The following AGBL1 variants were observed in gnomAD, a reference collection of about 807,000 sequenced individuals.
AGBL1 encodes cytosolic carboxypeptidase 4.
In AGBL1, 130 loss-of-function variants were observed where a neutral mutation model predicts 118.9. The observed-to-expected ratio is 1.09, with a 90% CI of 0.95 to 1.26. The LOEUF (loss-of-function observed/expected upper bound fraction) is 1.26, where lower values mean the gene tolerates loss of function less well. Among genes scored for constraint, AGBL1 ranks in the 50% most tolerant of loss-of-function variants. The probability of loss-of-function intolerance (pLI) is 0.00; values close to 1 mark genes in which losing one functional copy is unlikely to be tolerated. For missense variants in AGBL1, 1,584 were observed against 1,298.1 expected (o/e 1.22, Z -3.38); for synonymous variants, 555 against 478.9 (o/e 1.16, Z -2.08).
At chr15:86,162,081 C>T (rs930651561) in intron 5 of AGBL1, among the ~76,000 whole-genome samples, 2 of 152,134 alleles carry the variant, frequency 1.3e-5, no homozygotes, top group Non-Finnish European at 2.9e-5. Flanking sequence ...AACGTCCTGC[C>T]AATTTCCATC....
At position 86,397,369 on chromosome 15, in the gene AGBL1, A is replaced by G. The variant is rs1201282383; in HGVS notation, c.2378A>G (p.His793Arg). 18 of 1,552,154 alleles carry G rather than the reference A, an allele frequency of 1.2e-5. No individual in the cohort carries two copies. Among genetic ancestry groups the G allele is most frequent in the Non-Finnish European group, 1.5e-5 (17 of 1,142,722 alleles). Residue 793 changes from histidine (H) to arginine (R), a missense_variant, in exon 18 of 23, where the codon CAT (histidine) becomes CGT (arginine). Coordinates refer to ENST00000614907, the MANE Select transcript of AGBL1 (RefSeq NM_001386094.1). The part of the protein sequence containing the change: ...NSDEHLEQFR[H>R]RPYQVITARV... ...TCTTATGTCCCTTTTTCTGCAGGAC[A>G]TCGTCCATATCAGGTGATCACTGCT...
intron 17 of AGBL1, among the ~76,000 whole-genome samples, chr15:86,384,042 G>A (rs374106022): frequency 2.0e-5 from 3 of 152,146 alleles, no homozygotes; most frequent in Admixed American, 6.5e-5. Context: ...ATGAGTCTTC[G>A]TGGAGCATGT....
intron 24 of AGBL1, among the ~76,000 whole-genome samples, chr15:87,013,980 C>T (rs2081586060): frequency 6.6e-6 from 1 of 152,012 alleles, no homozygotes; most frequent in African/African-American, 2.4e-5. Context: ...CTCTAAAAAG[C>T]AAAATAGAGT....
At chr15:86,465,666 C>A (rs781330754) in intron 18 of AGBL1, among the ~76,000 whole-genome samples, 1 of 152,112 alleles carries the variant, frequency 6.6e-6, no homozygotes, top group Non-Finnish European at 1.5e-5. Flanking sequence ...TGAAATATGC[C>A]CTGGTCTCCT....
intron 5 of AGBL1, among the ~76,000 whole-genome samples, chr15:86,202,074 C>T (rs969281690): frequency 1.3e-5 from 2 of 152,136 alleles, no homozygotes; most frequent in Non-Finnish European, 2.9e-5. Flanking sequence ...GGGTGGATCA[C>T]TTGAGCTTAG....
At chr15:86,598,708 G>A (rs1471518768) in intron 21 of AGBL1, among the ~76,000 whole-genome samples, 3 of 152,096 alleles carry the variant, frequency 2.0e-5, no homozygotes, top group East Asian at 3.9e-4. Context: ...CACAAGCAAT[G>A]GGTCAATTTA....
chr15:86,178,103 G>T (rs79166092), intron 5 of AGBL1, among the ~76,000 whole-genome samples: 1,792 of 152,256 alleles, frequency 0.012, 22 homozygotes, highest in African/African-American at 0.036. Context: ...CACGAGGTCA[G>T]CAGATCAAGA....
chr15:86,797,861 G>C (rs1260681658), intron 22 of AGBL1, among the ~76,000 whole-genome samples: 1 of 152,116 alleles, frequency 6.6e-6, no homozygotes, highest in Non-Finnish European at 1.5e-5. Context: ...TTTGATATGA[G>C]GTAAAATTAC....
intron 5 of AGBL1, among the ~76,000 whole-genome samples, chr15:86,189,261 A>G (rs1432627904): frequency 6.6e-6 from 1 of 152,196 alleles, no homozygotes; most frequent in Non-Finnish European, 1.5e-5. Flanking sequence ...CACACATTTA[A>G]AGATGCAAAA....
At chr15:86,646,840 C>T (rs570355280) in intron 21 of AGBL1, among the ~76,000 whole-genome samples, 11 of 152,112 alleles carry the variant, frequency 7.2e-5, no homozygotes, top group African/African-American at 9.7e-5. Flanking sequence ...TTAGGTTATA[C>T]ATGTTCATTC....
chr15:86,583,725 C>G (rs922885112), intron 21 of AGBL1, among the ~76,000 whole-genome samples: 9 of 152,102 alleles, frequency 5.9e-5, no homozygotes, highest in African/African-American at 2.2e-4. Context: ...ATTGCTGGGT[C>G]ACACAGTAGT....
At chr15:86,125,900 T>C (rs1898398358) in intron 1 of AGBL1, among the ~76,000 whole-genome samples, 1 of 152,244 alleles carries the variant, frequency 6.6e-6, no homozygotes, top group Admixed American at 6.5e-5. Context: ...GTTTTTGGAA[T>C]TCAGCCCTGG....
At chr15:86,447,341 G>A (rs931432111) in intron 18 of AGBL1, among the ~76,000 whole-genome samples, 2 of 152,190 alleles carry the variant, frequency 1.3e-5, no homozygotes, top group African/African-American at 4.8e-5. Flanking sequence ...CCGCGGAATT[G>A]TAGTGGACAT....
intron 22 of AGBL1, among the ~76,000 whole-genome samples, chr15:86,837,254 A>C (rs940690555): frequency 6.6e-6 from 1 of 152,100 alleles, no homozygotes; most frequent in Non-Finnish European, 1.5e-5. Context: ...ATTTAGTACA[A>C]AATGACTACT....
intron 18 of AGBL1, among the ~76,000 whole-genome samples, chr15:86,510,970 T>G (rs1475756787): frequency 1.3e-5 from 2 of 152,084 alleles, no homozygotes; most frequent in Non-Finnish European, 2.9e-5. Context: ...AGCTTGGAGC[T>G]GGCACTTGAT....
chr15:86,832,469 G>C (rs964459710), intron 22 of AGBL1, among the ~76,000 whole-genome samples: 15 of 152,128 alleles, frequency 9.9e-5, no homozygotes, highest in African/African-American at 3.6e-4. Flanking sequence ...CCTCTTGAAT[G>C]CTTTGCTGCT....
chr15:86,728,507 C>T (rs2086851952), intron 22 of AGBL1, among the ~76,000 whole-genome samples: 1 of 152,130 alleles, frequency 6.6e-6, no homozygotes, highest in South Asian at 2.1e-4. Context: ...TACCTTTTCG[C>T]CTCCAGCATC....
chr15:86,717,577 A>G (rs1659039264), intron 22 of AGBL1, among the ~76,000 whole-genome samples: 1 of 152,110 alleles, frequency 6.6e-6, no homozygotes, highest in Admixed American at 6.5e-5. Flanking sequence ...GAACCTTCAC[A>G]TTTCACTGAT....
Position 86,956,622 on chromosome 15 carries a change from G to A in AGBL1, c.3222-31365G>A, listed in dbSNP as rs1054382059. On this transcript the variant is annotated intron_variant, in intron 23 of 24. Transcript: ENST00000441037. ...CCATCCATGTCATGGAGAGTGATCT[G>A]TTTTACTTAAAACCAACCGATGTGA... 2.0e-5 allele frequency among the ~76,000 whole-genome samples: 3 copies of A among 152,138 alleles called. No homozygotes were observed. The South Asian group carries it at 6.2e-4, about 31-fold the overall frequency.
Sources: gnomAD v4.1 joint callset for allele counts (sites outside exome capture counted in the v4.1 genomes callset) on GRCh38, gnomAD v4.1.1 for gene constraint, MANE v1.5 for transcripts, NCBI Gene and HGNC (gene_info 2026-07-23, HGNC 2026-07-21) for gene names.